The following REV3L variants were observed in gnomAD, a reference collection of about 807,000 sequenced individuals.
REV3L encodes REV3 like, DNA directed polymerase zeta catalytic subunit.
Under a neutral mutation model 299.4 loss-of-function variants are expected in REV3L, and 69 were observed. The ratio of observed to expected loss-of-function variants is 0.23; its 90% CI spans 0.19 to 0.28. The LOEUF (loss-of-function observed/expected upper bound fraction) is 0.28. Ranked by LOEUF, REV3L falls within the 10% of genes least tolerant of loss-of-function variation. The pLI is 1.00. For synonymous variants in REV3L, 1,238 were observed against 1,271.4 expected, an observed-to-expected ratio of 0.97 and a Z score of 0.56; for missense variants, 3,128 against 3,693.8, an observed-to-expected ratio of 0.85 and a Z score of 3.97.
intron 2 of REV3L, among the ~76,000 whole-genome samples, 178 bp from the exon 3 acceptor site, chr6:111,411,732 A>G (rs1784272934): frequency 6.6e-6 from 1 of 152,202 alleles, no homozygotes; most frequent in Non-Finnish European, 1.5e-5. Context: ...ACAGGTTAAC[A>G]TGAAATACTG....
intron 26 of REV3L, among the ~76,000 whole-genome samples, chr6:111,316,535 G>A (rs180910867): frequency 1.1e-3 from 166 of 151,422 alleles, no homozygotes; most frequent in Admixed American, 3.5e-3. Context: ...GGGAGGTGGC[G>A]TGTGCCTGTA....
chr6:111,365,476 CA>C, intron 14 of REV3L, 132 bp from the exon 15 acceptor site: 1 of 430,142 alleles, frequency 2.3e-6, no homozygotes, highest in Non-Finnish European at 4.1e-6. Flanking sequence ...CCCAGAATTT[CA>C]TAATTTAAAA....
At chr6:111,381,471 T>C (rs746480753) in intron 9 of REV3L, 27 bp from the exon 10 acceptor site, 19 of 1,582,396 alleles carry the variant, frequency 1.2e-5, no homozygotes, top group East Asian at 2.3e-5. Context: ...ATAAAAAAAA[T>C]TGAAGCAATG....
At chr6:111,417,833 G>A (rs765154857) in intron 1 of REV3L, among the ~76,000 whole-genome samples, 6 of 152,146 alleles carry the variant, frequency 3.9e-5, no homozygotes, top group Admixed American at 2.0e-4. Flanking sequence ...CTGATTCTCC[G>A]AACTGTAATA....
intron 1 of REV3L, among the ~76,000 whole-genome samples, chr6:111,416,968 T>G (rs1784840077): frequency 6.6e-6 from 1 of 151,876 alleles, no homozygotes; most frequent in Non-Finnish European, 1.5e-5. Flanking sequence ...ATTTTGCTAT[T>G]GCAGTGGGAA....
intron 29 of REV3L, 25 bp from the exon 30 acceptor site, chr6:111,310,124 C>T: frequency 6.6e-7 from 1 of 1,507,676 alleles, no homozygotes; most frequent in Non-Finnish European, 8.9e-7. Flanking sequence ...AGAAAAAAAC[C>T]ACACCCAAAT....
At chr6:111,458,311 C>A (rs535510630) in intron 1 of REV3L, among the ~76,000 whole-genome samples, 2 of 152,174 alleles carry the variant, frequency 1.3e-5, no homozygotes, top group South Asian at 2.1e-4. Context: ...TTATGACACA[C>A]CCACAGCCAA....
intron 1 of REV3L, among the ~76,000 whole-genome samples, chr6:111,451,791 T>A (rs1422340452): frequency 6.6e-6 from 1 of 150,514 alleles, no homozygotes; most frequent in Non-Finnish European, 1.5e-5. Context: ...AAACATTTGA[T>A]ATTTTAGGTT....
At chr6:111,412,323 G>A (rs1479628780) in intron 2 of REV3L, 2 of 927,938 alleles carry the variant, frequency 2.2e-6, no homozygotes, top group African/African-American at 1.8e-5. Flanking sequence ...GGAAGCAAAA[G>A]GCTATATAAC....
Position 111,372,805 on chromosome 6 carries a change from T to C in REV3L, c.5550A>G (p.Pro1850=), listed in dbSNP as rs1345977035. The C allele has an allele frequency of 5.6e-6, 9 of 1,613,474 alleles. No homozygotes were observed. In the East Asian group the frequency reaches 1.3e-4, roughly 24 times the overall value. Reference sequence around the variant, plus strand: ...TAGATCTTGGTGAACTATCAGGAGTTGGTGTCAACATATCATTGTTTCTTG... The same window carrying C: ...TAGATCTTGGTGAACTATCAGGAGTCGGTGTCAACATATCATTGTTTCTTG... ...YVSRNNDMLT[P]TPDSSPRSTS... Residue 1850 remains proline (P), a synonymous_variant, in exon 13 of 32, where the codon CCA becomes CCG. Coordinates refer to ENST00000368802, the MANE Select transcript of REV3L (RefSeq NM_001372078.1).
intron 11 of REV3L, 133 bp from the exon 12 acceptor site, chr6:111,377,976 A>T (rs1780479183): frequency 1.5e-6 from 1 of 665,036 alleles, no homozygotes; most frequent in African/African-American, 1.9e-5. Flanking sequence ...GTTACTCTAT[A>T]GTAAAACAAT....
chr6:111,328,866 A>AG (rs1775095666), intron 25 of REV3L, among the ~76,000 whole-genome samples: 1 of 152,072 alleles, frequency 6.6e-6, no homozygotes, highest in African/African-American at 2.4e-5. Flanking sequence ...CCTGGGCTCT[A>AG]GTGATCCTCC....
intron 1 of REV3L, among the ~76,000 whole-genome samples, chr6:111,471,104 C>G (rs1432667255): frequency 6.6e-6 from 1 of 152,118 alleles, no homozygotes; most frequent in Admixed American, 6.5e-5. Context: ...TCATTTAGTC[C>G]ACATTCCACA....
chr6:111,386,180 C>G (rs1390302628), intron 9 of REV3L, among the ~76,000 whole-genome samples: 1 of 152,136 alleles, frequency 6.6e-6, no homozygotes, highest in East Asian at 1.9e-4. Flanking sequence ...GAAGCTCCTG[C>G]ACATAGCCAT....
At chr6:111,326,754 G>C (rs1037581837) in intron 25 of REV3L, among the ~76,000 whole-genome samples, 2 of 151,648 alleles carry the variant, frequency 1.3e-5, no homozygotes, top group African/African-American at 4.9e-5. Context: ...GCCATATTAT[G>C]TGTACAATGG....
At chr6:111,353,312 G>A (rs1777767476) in intron 18 of REV3L, among the ~76,000 whole-genome samples, 1 of 152,128 alleles carries the variant, frequency 6.6e-6, no homozygotes, top group African/African-American at 2.4e-5. Context: ...CTAAAAATGG[G>A]TATTGAATGG....
chr6:111,445,953 T>C (rs987750541), intron 1 of REV3L, among the ~76,000 whole-genome samples: 4 of 152,068 alleles, frequency 2.6e-5, no homozygotes, highest in Non-Finnish European at 5.9e-5. Context: ...AGATTCATGG[T>C]AAAGAGAAAG....
chr6:111,464,080 A>ATT (rs1225788214), intron 1 of REV3L, among the ~76,000 whole-genome samples: 1 of 152,146 alleles, frequency 6.6e-6, no homozygotes, highest in Non-Finnish European at 1.5e-5. Flanking sequence ...CTTGCATGCA[A>ATT]TGTTCTGGTA....
At chr6:111,482,692 G>GGGCGGCCCC (rs1261730868) in intron 1 of REV3L, 58 bp downstream of exon 1, 1 of 1,100,234 alleles carries the variant, frequency 9.1e-7, no homozygotes, top group Non-Finnish European at 1.1e-6. Context: ...GCGGCGGGGA[G>GGGCGGCCCC]GGCGGCCCCG....
Sources: allele counts gnomAD v4.1 joint callset (sites outside exome capture counted in the v4.1 genomes callset), GRCh38; gene constraint gnomAD v4.1.1; transcripts MANE v1.5; gene names NCBI Gene and HGNC (gene_info 2026-07-23, HGNC 2026-07-21).